HMGA2: variants seen among roughly 807,000 people sequenced by gnomAD.
HMGA2 encodes high mobility group protein HMGI-C.
Under a neutral mutation model 19.1 loss-of-function variants are expected in HMGA2, and 8 were observed. That is an observed-to-expected ratio of 0.42 (90% CI 0.25 to 0.76). HMGA2 has a LOEUF of 0.76. Among genes scored for constraint, HMGA2 ranks in the 30% least tolerant of loss-of-function variants. The pLI is 0.28. For synonymous variants in HMGA2, 60 were observed against 48.8 expected (o/e 1.23, Z -0.96); for missense variants, 109 against 136.3 (o/e 0.80, Z 1.00).
chr12:65,887,577 G>T (rs1030812023), intron 3 of HMGA2, among the ~76,000 whole-genome samples: 2 of 151,984 alleles, frequency 1.3e-5, no homozygotes, highest in African/African-American at 4.8e-5. Flanking sequence ...ACAAAAATTG[G>T]CTGGGCATGG....
intron 3 of HMGA2, among the ~76,000 whole-genome samples, chr12:65,875,843 A>G (rs1427602461): frequency 1.3e-5 from 2 of 150,558 alleles, no homozygotes; most frequent in South Asian, 4.2e-4. Flanking sequence ...TTCTTTTTTT[A>G]TTTGCTTTTT....
intron 3 of HMGA2, among the ~76,000 whole-genome samples, chr12:65,892,546 T>C (rs1873955412): frequency 6.6e-6 from 1 of 152,230 alleles, no homozygotes; most frequent in Admixed American, 6.5e-5. Flanking sequence ...TGAAACTTGT[T>C]AGACATTTTT....
At chr12:65,911,999 A>G (rs1412960602) in intron 3 of HMGA2, among the ~76,000 whole-genome samples, 1 of 152,186 alleles carries the variant, frequency 6.6e-6, no homozygotes, top group Admixed American at 6.5e-5. Flanking sequence ...CTACACTTAT[A>G]GATAATACGT....
intron 3 of HMGA2, among the ~76,000 whole-genome samples, chr12:65,866,602 G>A (rs1872427950): frequency 6.6e-6 from 1 of 152,180 alleles, no homozygotes; most frequent in South Asian, 2.1e-4. Flanking sequence ...TCAGGTAAAA[G>A]GCAAGATGAT....
At position 65,824,721 on chromosome 12, in the gene HMGA2, C is replaced by CTCTCTCTCTCTCTCTG. The variant is rs1565697458; in HGVS notation, c.-535_-534insGTCTCTCTCTCTCTCT. 97 of 98,024 alleles carry CTCTCTCTCTCTCTCTG rather than the reference C, an allele frequency of 9.9e-4. 2 individuals carry two copies. Among genetic ancestry groups the CTCTCTCTCTCTCTCTG allele is most frequent in the African/African-American group, 3.8e-3 (87 of 22,918 alleles). 6.1% of individuals were successfully genotyped at this position (98,024 alleles called of 1,614,324 possible). A position where few individuals can be genotyped will look rare whatever the true frequency, so the allele number is the denominator to read the frequency against. ...CTTTCAATCTCAATCTCTTCTCTCT[C>CTCTCTCTCTCTCTCTG]TCTCTCTCTCTCTCTCTCTCTCTCT... On this transcript the variant is annotated 5_prime_UTR_variant, in exon 1 of 5. Coordinates refer to ENST00000403681, the MANE Select transcript of HMGA2 (RefSeq NM_003483.6).
intron 3 of HMGA2, among the ~76,000 whole-genome samples, chr12:65,901,155 A>G (rs1874355262): frequency 6.6e-6 from 1 of 152,390 alleles, no homozygotes; most frequent in Non-Finnish European, 1.5e-5. Flanking sequence ...CAAATGCTAC[A>G]AGCAGGACTT....
At chr12:65,926,094 T>A (rs528585179) in intron 3 of HMGA2, among the ~76,000 whole-genome samples, 7 of 152,260 alleles carry the variant, frequency 4.6e-5, no homozygotes, top group Admixed American at 2.6e-4. Flanking sequence ...CAAAATAAAT[T>A]ATTCTGTCCT....
chr12:65,961,759 A>ATG (rs1057233417), intron 4 of HMGA2, among the ~76,000 whole-genome samples: 2 of 145,408 alleles, frequency 1.4e-5, no homozygotes, highest in Non-Finnish European at 3.0e-5. Context: ...GTGTGTGTGT[A>ATG]TGTGTGTGTG....
At chr12:65,876,965 T>G (rs1180424040) in intron 3 of HMGA2, 1 of 152,086 alleles carries the variant, frequency 6.6e-6, no homozygotes, top group Non-Finnish European at 1.5e-5. Context: ...GTGTGAAGGT[T>G]TAGGAGTAGA....
intron 4 of HMGA2, chr12:65,953,259 T>A (rs1023579812): frequency 6.6e-6 from 1 of 152,224 alleles, no homozygotes; most frequent in Non-Finnish European, 1.5e-5. Flanking sequence ...TGAGAAGATG[T>A]CTGAACATTT....
chr12:65,873,999 C>T (rs921558618), intron 3 of HMGA2: 51 of 152,188 alleles, frequency 3.4e-4, no homozygotes, highest in African/African-American at 1.2e-3. Flanking sequence ...TTTTATCTCT[C>T]TATAGCCTAC....
In HMGA2 at chr12:65,963,727, C is replaced by T. The variant is rs543741442; in HGVS notation, c.*435C>T. 16 of 358,962 alleles carry T rather than the reference C, an allele frequency of 4.5e-5. No individual in the cohort carries two copies. Among genetic ancestry groups the T allele is most frequent in the Non-Finnish European group, 7.2e-5 (14 of 193,304 alleles). The allele number at this position is 358,962 out of a possible 1,614,324, so 22.2% of individuals were successfully genotyped here. ...ACGTCGGGCATTCATATAGGAAGAACGCGGTGTGTAACACTGTGTACACCT... is the reference window on the plus strand; with the variant it reads ...ACGTCGGGCATTCATATAGGAAGAATGCGGTGTGTAACACTGTGTACACCT... On this transcript the variant is annotated 3_prime_UTR_variant, in exon 5 of 5. Coordinates refer to ENST00000403681, the MANE Select transcript of HMGA2 (RefSeq NM_003483.6).
chr12:65,901,468 T>C lies in HMGA2; in HGVS notation c.250-49915T>C, dbSNP rs934412437. ...ATTTGTTAATGACATGAGCTGTTTCTTTGCTGAAATGAATAGTCACCAAGC... is the reference window on the plus strand; with the variant it reads ...ATTTGTTAATGACATGAGCTGTTTCCTTGCTGAAATGAATAGTCACCAAGC... On this transcript the variant is annotated intron_variant, in intron 3 of 4. Coordinates refer to ENST00000403681, the MANE Select transcript of HMGA2 (RefSeq NM_003483.6). Among the ~76,000 whole-genome samples the C allele has an allele frequency of 2.6e-5, 4 of 152,212 alleles. No homozygotes were observed. In the East Asian group the frequency reaches 7.7e-4, roughly 29 times the overall value.
At chr12:65,946,672 A>G (rs558376365) in intron 3 of HMGA2, among the ~76,000 whole-genome samples, 1 of 152,100 alleles carries the variant, frequency 6.6e-6, no homozygotes, top group Admixed American at 6.5e-5. Flanking sequence ...AAATACCTAG[A>G]CTTCCTGGAA....
At chr12:65,844,463 T>C (rs1303289623) in intron 3 of HMGA2, among the ~76,000 whole-genome samples, 1 of 152,200 alleles carries the variant, frequency 6.6e-6, no homozygotes, top group Non-Finnish European at 1.5e-5. Flanking sequence ...CTTATTTTAA[T>C]AGTTTACCAC....
At chr12:65,868,784 ATCAAT>A (rs1488962165) in intron 3 of HMGA2, among the ~76,000 whole-genome samples, 3 of 152,184 alleles carry the variant, frequency 2.0e-5, no homozygotes, top group Non-Finnish European at 4.4e-5. Flanking sequence ...AACTGTTAGC[ATCAAT>A]TTTAATAAGT....
At chr12:65,848,858 G>C (rs376057183) in intron 3 of HMGA2, among the ~76,000 whole-genome samples, 1 of 151,682 alleles carries the variant, frequency 6.6e-6, no homozygotes, top group Non-Finnish European at 1.5e-5. Flanking sequence ...GCGAGACTCC[G>C]TCTCAAAAAA....
intron 3 of HMGA2, among the ~76,000 whole-genome samples, chr12:65,871,738 A>T (rs1484369479): frequency 6.6e-6 from 1 of 152,234 alleles, no homozygotes; most frequent in East Asian, 1.9e-4. Context: ...AGATGCACAG[A>T]ACAATGTCAC....
intron 4 of HMGA2, chr12:65,957,128 G>C (rs890104153): frequency 1.8e-4 from 28 of 152,126 alleles, no homozygotes; most frequent in African/African-American, 6.5e-4. Context: ...GTGCAATAAT[G>C]ATTAAAATCC....
Sources: gnomAD v4.1 joint callset for allele counts (sites outside exome capture counted in the v4.1 genomes callset) on GRCh38, gnomAD v4.1.1 for gene constraint, MANE v1.5 for transcripts, NCBI Gene and HGNC (gene_info 2026-07-23, HGNC 2026-07-21) for gene names.